The following SOD2 variants were observed in gnomAD, a reference collection of about 807,000 sequenced individuals.
The protein encoded by SOD2 is superoxide dismutase 2.
Under a neutral mutation model 27.0 loss-of-function variants are expected in SOD2, and 11 were observed. The observed-to-expected ratio is 0.41, with a 90% CI of 0.26 to 0.67. The LOEUF (loss-of-function observed/expected upper bound fraction) is 0.67. Ranked by LOEUF, SOD2 falls within the 30% of genes least tolerant of loss-of-function variation. SOD2 has a pLI of 0.34. For synonymous variants in SOD2, 105 were observed against 103.0 expected (o/e 1.02, Z -0.12); for missense variants, 250 against 274.5 (o/e 0.91, Z 0.63).
chr6:159,745,635 A>C (rs1779530487), upstream of SOD2, among the ~76,000 whole-genome samples: 1 of 152,158 alleles, frequency 6.6e-6, no homozygotes, highest in Non-Finnish European at 1.5e-5. Flanking sequence ...TCAGCCTGGA[A>C]TCTTGGGTAT....
chr6:159,712,951 AGCTTTGTCTTTTGCCATAGCT>A (rs1408081229), intron 1 of SOD2: 3 of 608,320 alleles, frequency 4.9e-6, no homozygotes, highest in African/African-American at 1.9e-5. Context: ...GCTGCATATT[AGCTTTGTCTTTTGCCATAGCT>A]GCCACTGCAT....
intron 1 of SOD2, chr6:159,742,038 TAATA>T: frequency 7.8e-7 from 1 of 1,279,782 alleles, no homozygotes; most frequent in South Asian, 1.3e-5. Context: ...CTAGTTTATT[TAATA>T]AACTATTTTA....
chr6:159,688,558 A>C (rs1054736699), intron 2 of SOD2, among the ~76,000 whole-genome samples: 14 of 152,184 alleles, frequency 9.2e-5, no homozygotes, highest in Admixed American at 1.3e-4. Flanking sequence ...GAATGCTAAA[A>C]TGTATGGCTC....
intron 1 of SOD2, among the ~76,000 whole-genome samples, chr6:159,717,528 T>A (rs1480279566): frequency 6.6e-6 from 1 of 152,216 alleles, no homozygotes; most frequent in African/African-American, 2.4e-5. Flanking sequence ...AATTGGCACA[T>A]CTATCAATTC....
chr6:159,723,952 A>T (rs1778089595), intron 1 of SOD2, among the ~76,000 whole-genome samples: 1 of 152,094 alleles, frequency 6.6e-6, no homozygotes. Context: ...TTGTAGAGAC[A>T]AGATCTCACT....
chr6:159,690,690 T>C (rs1034993021), intron 2 of SOD2, among the ~76,000 whole-genome samples: 4 of 152,198 alleles, frequency 2.6e-5, no homozygotes, highest in African/African-American at 9.6e-5. Context: ...ATGTAACTTT[T>C]CTATTGTTTT....
At chr6:159,761,811 C>G (rs1035791800) in exon 1 of SOD2, 1 of 226,640 alleles carries the variant, frequency 4.4e-6, no homozygotes, top group African/African-American at 2.3e-5. Flanking sequence ...GTTCTGCCCG[C>G]AAGCCCAGAC....
chr6:159,717,141 A>AAT (rs1777934325), intron 1 of SOD2, among the ~76,000 whole-genome samples: 1 of 152,236 alleles, frequency 6.6e-6, no homozygotes, highest in African/African-American at 2.4e-5. Flanking sequence ...TTTTTCCAGT[A>AAT]GCTGGACAAG....
intron 1 of SOD2, among the ~76,000 whole-genome samples, chr6:159,701,150 A>G (rs964479517): frequency 2.6e-5 from 4 of 152,144 alleles, no homozygotes; most frequent in Non-Finnish European, 5.9e-5. Flanking sequence ...TGGAGATTTG[A>G]GAAACCATGG....
At chr6:159,717,075 T>C (rs1777933044) in intron 1 of SOD2, among the ~76,000 whole-genome samples, 1 of 152,158 alleles carries the variant, frequency 6.6e-6, no homozygotes, top group Non-Finnish European at 1.5e-5. Flanking sequence ...ATTACAGGGA[T>C]CAGGACAGGG....
Position 159,738,842 on chromosome 6 carries a change from A to AT in SOD2, c.-116+6287_-116+6288insA, listed in dbSNP as rs966040391. 85 of 509,868 alleles carry AT rather than the reference A, an allele frequency of 1.7e-4. No homozygotes were observed. The Middle Eastern group carries it at 2.5e-3, about 15-fold the overall frequency. 31.6% of individuals were successfully genotyped at this position (509,868 alleles called of 1,614,324 possible). A position where few individuals can be genotyped will look rare whatever the true frequency, so the allele number is the denominator to read the frequency against. On this transcript the variant is annotated intron_variant, in intron 1 of 3. Transcript: ENST00000537657. ...CAAATAGTTTACCTTAAAAAAAAAA[A>AT]ACTTTTGTAATAAAATACTTTTTCA...
intron 1 of SOD2, among the ~76,000 whole-genome samples, chr6:159,707,633 C>T (rs981310475): frequency 6.6e-6 from 1 of 152,110 alleles, no homozygotes; most frequent in South Asian, 2.1e-4. Flanking sequence ...TAATAGCTTA[C>T]CAACCAAAAA....
At chr6:159,740,158 TC>T (rs910316124) in intron 1 of SOD2, among the ~76,000 whole-genome samples, 1 of 151,990 alleles carries the variant, frequency 6.6e-6, no homozygotes, top group Admixed American at 6.6e-5. Flanking sequence ...ATTTTTTTTT[TC>T]CCTGTCTCTG....
chr6:159,702,441 C>T (rs1230026376), intron 1 of SOD2, among the ~76,000 whole-genome samples: 7 of 151,492 alleles, frequency 4.6e-5, no homozygotes, highest in East Asian at 1.9e-4. Flanking sequence ...GGACTACAGA[C>T]GTGCACTGCC....
chr6:159,694,991 A>G (rs570610585), upstream of SOD2, among the ~76,000 whole-genome samples: 2 of 152,262 alleles, frequency 1.3e-5, no homozygotes, highest in South Asian at 4.1e-4. Context: ...GAGGTGAGAC[A>G]CACTGAAAGT....
Position 159,684,970 on chromosome 6 carries a change from G to A in SOD2, c.407C>T (p.Thr136Met), listed in dbSNP as rs372074075. The A allele has an allele frequency of 2.1e-5, 34 of 1,613,050 alleles. No homozygotes were observed. The highest frequency in any genetic ancestry group is 2.0e-4 in the African/African-American group (15 of 74,780). The change falls in exon 4 of 5, where the codon ACG becomes ATG. Residue 136 changes from threonine to methionine, a missense_variant. Physicochemically the swap from Thr to Met is moderately conservative, Grantham distance 81. Transcript: ENST00000538183. Reference protein sequence around the residue: ...GSFDKFKEKLTAASVGVQGSG... With the variant: ...GSFDKFKEKLMAASVGVQGSG... ...GCCTTGGACACCAACAGATGCAGCC[G>A]TCAGCTTCTCCTTAAACTTGTCAAA...
intron 1 of SOD2, chr6:159,713,245 A>G (rs1325595631): frequency 1.2e-5 from 9 of 745,510 alleles, no homozygotes; most frequent in Non-Finnish European, 2.1e-5. Context: ...AGCCATATCC[A>G]TCATTACAGC....
chr6:159,718,430 A>T lies in SOD2; in HGVS notation c.-116+8699T>A, dbSNP rs139838411. ...TCTCATCAACATATGAATTTCTGAA[A>T]TAATATTTTAATAATAGTCTAGTAA... On this transcript the variant is annotated intron_variant, in intron 1 of 2. Coordinates refer to the SOD2 transcript ENST00000401980. 5.5e-3 allele frequency among the ~76,000 whole-genome samples: 840 copies of T among 152,330 alleles called. 3 individuals carry two copies. The highest frequency in any genetic ancestry group is 0.027 in the Middle Eastern group (8 of 294).
chr6:159,720,325 C>T (rs548944186), intron 1 of SOD2: 1 of 152,204 alleles, frequency 6.6e-6, no homozygotes, highest in Non-Finnish European at 1.5e-5. Context: ...GCTGGGATTA[C>T]AGGCGTAAGC....
Sources: gnomAD v4.1 joint callset for allele counts (sites outside exome capture counted in the v4.1 genomes callset) on GRCh38, gnomAD v4.1.1 for gene constraint, MANE v1.5 for transcripts, NCBI Gene and HGNC (gene_info 2026-07-23, HGNC 2026-07-21) for gene names.